Variants in PLEC observed in about 807,000 individuals in gnomAD.
The protein encoded by PLEC is plectin.
Under a neutral mutation model 392.8 loss-of-function variants are expected in PLEC, and 216 were observed. The observed-to-expected ratio is 0.55, with a 90% CI of 0.49 to 0.62. The LOEUF (loss-of-function observed/expected upper bound fraction) is 0.62. Among genes scored for constraint, PLEC ranks in the 20% least tolerant of loss-of-function variants. PLEC has a pLI of 0.00. For synonymous variants in PLEC, 3,621 were observed against 2,980.6 expected, an observed-to-expected ratio of 1.21 and a Z score of -7.00; for missense variants, 6,863 against 6,563.4, an observed-to-expected ratio of 1.05 and a Z score of -1.58.
At position 143,973,380 on chromosome 8, in the gene PLEC, G is replaced by A. The variant is rs1833533309; in HGVS notation, c.70+23C>T. On this transcript the variant is annotated intron_variant, in intron 1 of 31. Coordinates refer to the PLEC transcript ENST00000356346. This position sits in a 1 kb window ranked among gnomAD's most constrained non-coding sequence, Gnocchi z 5.6. The stretch of plus-strand genomic sequence containing the variant: ...CTGGGCTGTCAGGAGCGGCCCGACA[G>A]GCAGCGGGACGGGGGGCCGTACCTT... 2 of 1,559,066 alleles carry A rather than the reference G, an allele frequency of 1.3e-6. No individual in the cohort carries two copies. The highest frequency in any genetic ancestry group is 1.7e-6 in the Non-Finnish European group (2 of 1,152,746).
chr8:143,951,881 C>T (rs939318189), upstream of PLEC, among the ~76,000 whole-genome samples: 1 of 152,038 alleles, frequency 6.6e-6, no homozygotes, highest in Non-Finnish European at 1.5e-5. Flanking sequence ...CCCTCCCCGC[C>T]CCGCTGCTGC....
chr8:143,975,411 G>C (rs1554745792), upstream of PLEC: 1 of 1,566,278 alleles, frequency 6.4e-7, no homozygotes, highest in South Asian at 1.1e-5. This position sits in a 1 kb window ranked among gnomAD's most constrained non-coding sequence, Gnocchi z 9.9. Context: ...ATCTCTGCCT[G>C]TTCAGGAGTG....
intron 1 of PLEC, among the ~76,000 whole-genome samples, chr8:143,964,050 A>G (rs1342344754): frequency 6.6e-6 from 1 of 151,974 alleles, no homozygotes; most frequent in African/African-American, 2.4e-5. Context: ...CAGGTGATCC[A>G]CCCACAGGCC....
Position 143,920,086 on chromosome 8 carries a change from G to A in PLEC, c.9735C>T (p.Gly3245=), listed in dbSNP as rs1293739832. The part of the protein sequence containing the change: ...EKTPVEVPVG[G]FKGRTVTVWE... ...ACACCGTCACCGTCCTGCCCTTGAA[G>A]CCACCCACGGGGACCTCAACCGGGG... The change falls in exon 32 of 32, where the codon GGC becomes GGT. Residue 3245 remains glycine, a synonymous_variant. Transcript: ENST00000345136. 1.2e-6 allele frequency: 2 copies of A among 1,613,076 alleles called. No homozygotes were observed. Among genetic ancestry groups the A allele is most frequent in the African/African-American group, 1.3e-5 (1 of 74,942 alleles).
chr8:143,956,108 G>A (rs782737975), upstream of PLEC, among the ~76,000 whole-genome samples: 2 of 151,928 alleles, frequency 1.3e-5, no homozygotes, highest in Admixed American at 1.3e-4. Context: ...CCACCGCACC[G>A]GGCTAATTTT....
chr8:143,937,215 G>A lies in PLEC; in HGVS notation c.292C>T (p.His98Tyr). 1.9e-6 allele frequency: 3 copies of A among 1,612,762 alleles called. No homozygotes were observed. Among genetic ancestry groups the A allele is most frequent in the Non-Finnish European group, 2.5e-6 (3 of 1,179,786 alleles). Residue 98 changes from histidine (H) to tyrosine (Y), a missense_variant, in exon 4 of 32, where the codon CAC becomes TAC. By Grantham distance (83) the His-to-Tyr change is moderately conservative (BLOSUM62 2). Transcript: ENST00000345136. ...LPREKGRMRFHKLQNVQIALD... is the reference protein window; with the variant it reads ...LPREKGRMRFYKLQNVQIALD... Reference sequence around the variant, plus strand: ...GCAATCTGGACATTCTGCAGCTTGTGGAAACGCATCCTCCCCTTCTCCCGG... The same window carrying A: ...GCAATCTGGACATTCTGCAGCTTGTAGAAACGCATCCTCCCCTTCTCCCGG...
At chr8:143,957,801 G>A (rs1474873853), upstream of PLEC, among the ~76,000 whole-genome samples, 1 of 149,426 alleles carries the variant, frequency 6.7e-6, no homozygotes, top group Non-Finnish European at 1.5e-5. Context: ...CCATCTTCAC[G>A]CCCACCCACC....
At chr8:143,940,620 A>G (rs1306615512), upstream of PLEC, among the ~76,000 whole-genome samples, 1 of 152,198 alleles carries the variant, frequency 6.6e-6, no homozygotes, top group Non-Finnish European at 1.5e-5. Flanking sequence ...CACCATAGGA[A>G]AGAATGCGCT....
At chr8:143,964,934 CCTT>C (rs1331945385) in intron 1 of PLEC, among the ~76,000 whole-genome samples, 1 of 152,174 alleles carries the variant, frequency 6.6e-6, no homozygotes, top group Non-Finnish European at 1.5e-5. Flanking sequence ...GCAGCTACCT[CCTT>C]CTGCTCCTGC....
In PLEC at chr8:143,924,113, G is replaced by A. The variant is rs782502398; in HGVS notation, c.5816C>T (p.Ala1939Val). Residue 1939 changes from alanine (A) to valine (V), a missense_variant, in exon 31 of 32, where the codon GCT (alanine) becomes GTT (valine). Transcript: ENST00000345136. ...ALKASFEKAA[A>V]GKAELELELG... ...CTCCAGCTCCAGCTCCGCCTTGCCA[G>A]CGGCCGCCTTCTCGAAGCTCGCCTT... The A allele has an allele frequency of 6.3e-7, 1 of 1,598,664 alleles. No homozygotes were observed. Among genetic ancestry groups the A allele is most frequent in the East Asian group, 2.2e-5 (1 of 44,778 alleles).
At chr8:143,941,325 C>T (rs1328854599), upstream of PLEC, among the ~76,000 whole-genome samples, 1 of 152,290 alleles carries the variant, frequency 6.6e-6, no homozygotes, top group African/African-American at 2.4e-5. Context: ...GGGCCAAGGT[C>T]CAGGACCCAC....
chr8:143,930,536 C>T lies in PLEC; in HGVS notation c.2305G>A (p.Asp769Asn). ...TACTCGTTCAGCTGTTCCTTCTCGT[C>T]CTGTGGGGGAGGGGCAGCATCCAGA... Reference protein sequence around the residue: ...RLEDLLQDAQDEKEQLNEYKG... With the variant: ...RLEDLLQDAQNEKEQLNEYKG... The change falls in exon 20 of 32, where the codon GAC becomes AAC. Residue 769 changes from aspartate to asparagine, a missense_variant and splice_region_variant. Physicochemically the swap from Asp to Asn is conservative, Grantham distance 23 (BLOSUM62 1). Transcript: ENST00000345136. 4.4e-6 allele frequency: 7 copies of T among 1,587,680 alleles called. No homozygotes were observed. Among genetic ancestry groups the T allele is most frequent in the Non-Finnish European group, 5.1e-6 (6 of 1,167,370 alleles).
In PLEC at chr8:143,921,228, G is replaced by T. The variant is rs201422698; in HGVS notation, c.8593C>A (p.Leu2865Met). ...DPNTHENLTY[L>M]QLLERCVEDP... ...TCCACGCAGCGCTCCAGTAGCTGCA[G>T]GTACGTGAGGTTCTCGTGCGTGTTG... The change falls in exon 32 of 32, where the codon CTG becomes ATG. Residue 2865 changes from leucine (L) to methionine (M), a missense_variant. Leu to Met is a conservative substitution (Grantham distance 15). Transcript: ENST00000345136. The T allele has an allele frequency of 1.2e-6, 2 of 1,614,146 alleles. No individual in the cohort carries two copies. Among genetic ancestry groups the T allele is most frequent in the Admixed American group, 1.7e-5 (1 of 60,030 alleles).
chr8:143,918,773 C>G lies in PLEC; in HGVS notation c.11048G>C (p.Trp3683Ser). ...LREALEAESA[W>S]CYLYGTGSVA... ...GGAGCCCGTGCCATAGAGGTAGCACCAGGCGGACTCCGCCTCGAGAGCCTC... is the reference window on the plus strand; with the variant it reads ...GGAGCCCGTGCCATAGAGGTAGCACGAGGCGGACTCCGCCTCGAGAGCCTC... Residue 3683 changes from tryptophan (W) to serine (S), a missense_variant, in exon 32 of 32, where the codon TGG (tryptophan) becomes TCG (serine). Transcript: ENST00000345136. 6.2e-7 allele frequency: 1 copy of G among 1,613,086 alleles called. No individual in the cohort carries two copies. The highest frequency in any genetic ancestry group is 8.5e-7 in the Non-Finnish European group (1 of 1,180,008).
intron 11 of PLEC, 73 bp downstream of exon 11, chr8:143,934,245 G>C: frequency 3.1e-6 from 5 of 1,603,310 alleles, no homozygotes; most frequent in Non-Finnish European, 4.3e-6. Flanking sequence ...GGGCGGGGCG[G>C]GGAGGGGGGT....
At chr8:143,958,099 T>G (rs1310114918), upstream of PLEC, among the ~76,000 whole-genome samples, 1 of 152,186 alleles carries the variant, frequency 6.6e-6, no homozygotes, top group Admixed American at 6.5e-5. This position sits in a 1 kb window ranked among gnomAD's most constrained non-coding sequence, Gnocchi z 4.9. Flanking sequence ...CCACCTCACC[T>G]GCCCCAGGCT....
Position 143,922,000 on chromosome 8 carries a change from G to A in PLEC, c.7821C>T (p.Ala2607=), listed in dbSNP as rs398123402. The change falls in exon 32 of 32, where the codon GCC becomes GCT. Residue 2607 remains alanine (A), a synonymous_variant. Coordinates refer to ENST00000345136, the MANE Select transcript of PLEC (RefSeq NM_201384.3). ...TGACCTCCTCTGAGTGCGCCAGCGC[G>A]GCCCGGTGCTGCTCCTCCAGGAGCT... ...QLQLLEEQHR[A]ALAHSEEVTA... The A allele has an allele frequency of 1.5e-5, 24 of 1,598,306 alleles. No homozygotes were observed. The highest frequency in any genetic ancestry group is 5.0e-5 in the Admixed American group (3 of 59,974).
intron 5 of PLEC, 24 bp downstream of exon 5, chr8:143,936,955 G>A: frequency 1.9e-6 from 3 of 1,569,784 alleles, no homozygotes; most frequent in Non-Finnish European, 2.6e-6. Flanking sequence ...CAGGGGGTGG[G>A]GGTCCTGGGG....
At chr8:143,935,423 C>G (rs914477978) in intron 6 of PLEC, 110 bp from the exon 7 acceptor site, 8 of 767,952 alleles carry the variant, frequency 1.0e-5, no homozygotes, top group African/African-American at 3.4e-5. Context: ...ATGGACCCCC[C>G]CAACACTCAC....
Sources: allele counts gnomAD v4.1 joint callset (sites outside exome capture counted in the v4.1 genomes callset), GRCh38; gene constraint gnomAD v4.1.1; non-coding constraint Gnocchi (gnomAD v3.1); transcripts MANE v1.5; gene names NCBI Gene and HGNC (gene_info 2026-07-23, HGNC 2026-07-21).